The following ELSPBP1 variants were observed in gnomAD, a reference collection of about 807,000 sequenced individuals.
ELSPBP1 encodes epididymal sperm-binding protein 1.
ELSPBP1 carries 38 observed loss-of-function variants against 33.3 expected under a neutral mutation model. The ratio of observed to expected loss-of-function variants is 1.14; its 90% CI spans 0.88 to 1.50. ELSPBP1 has a LOEUF of 1.50. ELSPBP1 is among the 40% of genes most tolerant of loss of function. The pLI is 0.00. For missense variants in ELSPBP1, 267 were observed against 263.5 expected, an observed-to-expected ratio of 1.01 and a Z score of -0.09; for synonymous variants, 85 against 94.1, an observed-to-expected ratio of 0.90 and a Z score of 0.56.
chr19:48,014,132 G>C lies in ELSPBP1; in HGVS notation c.71-39G>C, dbSNP rs371933085. 9.9e-5 allele frequency: 159 copies of C among 1,602,716 alleles called. 3 individuals carry two copies. The South Asian group carries it at 1.5e-3, about 15-fold the overall frequency. On this transcript the variant is annotated intron_variant, in intron 2 of 6. Coordinates refer to ENST00000339841, the MANE Select transcript of ELSPBP1 (RefSeq NM_022142.5). Reference sequence around the variant, plus strand: ...GACTCATCCTTTGCTAATTCATCGTGATTCTTCCCCACTCCTGTTTTCTCC... The same window carrying C: ...GACTCATCCTTTGCTAATTCATCGTCATTCTTCCCCACTCCTGTTTTCTCC...
intron 1 of ELSPBP1, among the ~76,000 whole-genome samples, chr19:47,996,027 G>C (rs1966909106): frequency 6.6e-6 from 1 of 152,236 alleles, no homozygotes; most frequent in Admixed American, 6.5e-5. Flanking sequence ...TTGGGTGGTA[G>C]ATATTGGTGC....
chr19:48,005,471 C>T (rs986448994), intron 1 of ELSPBP1, among the ~76,000 whole-genome samples: 1 of 152,082 alleles, frequency 6.6e-6, no homozygotes, highest in African/African-American at 2.4e-5. Context: ...GGCTACAACT[C>T]AGGTGGTTGA....
chr19:48,022,749 A>T (rs902566542), intron 6 of ELSPBP1, among the ~76,000 whole-genome samples: 1 of 152,070 alleles, frequency 6.6e-6, no homozygotes, highest in African/African-American at 2.4e-5. Flanking sequence ...TGAAAAAACA[A>T]CCCAGAAAAG....
chr19:48,005,627 G>C (rs1358952532), intron 1 of ELSPBP1, among the ~76,000 whole-genome samples: 1 of 152,162 alleles, frequency 6.6e-6, no homozygotes, highest in Non-Finnish European at 1.5e-5. Context: ...ATACAGTTCT[G>C]GCTCTCAGAA....
intron 2 of ELSPBP1, among the ~76,000 whole-genome samples, chr19:48,010,701 A>G (rs887045766): frequency 1.3e-5 from 2 of 149,854 alleles, no homozygotes; most frequent in Non-Finnish European, 3.0e-5. Context: ...GGTGAAGGGC[A>G]GGACCAAAAT....
At chr19:48,003,233 A>T (rs1966984242) in intron 1 of ELSPBP1, among the ~76,000 whole-genome samples, 1 of 152,188 alleles carries the variant, frequency 6.6e-6, no homozygotes, top group South Asian at 2.1e-4. Flanking sequence ...AATATCCATA[A>T]CTTGGTCTGT....
intron 5 of ELSPBP1, among the ~76,000 whole-genome samples, chr19:48,020,143 G>A (rs1319091743): frequency 1.3e-5 from 2 of 151,968 alleles, no homozygotes; most frequent in South Asian, 2.1e-4. Context: ...GTAAACACAC[G>A]CCAGGGTTTT....
At chr19:48,003,627 C>G (rs1039261014) in intron 1 of ELSPBP1, among the ~76,000 whole-genome samples, 25 of 151,040 alleles carry the variant, frequency 1.7e-4, no homozygotes, top group African/African-American at 6.1e-4. Context: ...ACCTCCGCCT[C>G]CTGGGTTCAA....
intron 6 of ELSPBP1, among the ~76,000 whole-genome samples, chr19:48,023,488 GAGGGA>G (rs1568409550): frequency 6.7e-5 from 3 of 44,738 alleles, no homozygotes; most frequent in East Asian, 1.1e-3. Context: ...GGAGGGAAGG[GAGGGA>G]GGGAAGGAAA....
Position 48,015,985 on chromosome 19 carries a change from T to C in ELSPBP1, c.301T>C (p.Ser101Pro). The change falls in exon 4 of 7, where the codon TCA (serine) becomes CCA (proline). Residue 101 changes from serine to proline, a missense_variant. Ser to Pro is a moderately conservative substitution (Grantham distance 74). Coordinates refer to ENST00000339841, the MANE Select transcript of ELSPBP1 (RefSeq NM_022142.5). ...CAGCTTCTTAGGCAGTCTGTGGTGCTCAGTCACCTCTGTCTTCGATGAGAA... is the reference window on the plus strand; with the variant it reads ...CAGCTTCTTAGGCAGTCTGTGGTGCCCAGTCACCTCTGTCTTCGATGAGAA... ...QGSFLGSLWC[S>P]VTSVFDEKQQ... The C allele has an allele frequency of 6.2e-7, 1 of 1,614,018 alleles. No individual in the cohort carries two copies. Among genetic ancestry groups the C allele is most frequent in the East Asian group, 2.2e-5 (1 of 44,880 alleles).
intron 2 of ELSPBP1, among the ~76,000 whole-genome samples, chr19:48,009,996 T>C (rs747363775): frequency 1.4e-4 from 22 of 152,120 alleles, no homozygotes; most frequent in Non-Finnish European, 2.9e-4. Context: ...GGGTTTTTTG[T>C]TTGTTTGTTT....
rs10416556 is a variant in ELSPBP1, at chr19:47,996,448, A to C, written c.-18+1637A>C. Among the ~76,000 whole-genome samples, 716 of 152,244 alleles carry C rather than the reference A, an allele frequency of 4.7e-3. 3 individuals carry two copies. Among genetic ancestry groups the C allele is most frequent in the Admixed American group, 8.0e-3 (123 of 15,286 alleles). ...GATGAATAGAAGGATAAATGAATGGACAGATGAGTGGATAGATAGATGGCT... is the reference window on the plus strand; with the variant it reads ...GATGAATAGAAGGATAAATGAATGGCCAGATGAGTGGATAGATAGATGGCT... On this transcript the variant is annotated intron_variant, in intron 1 of 6. Coordinates refer to ENST00000339841, the MANE Select transcript of ELSPBP1 (RefSeq NM_022142.5).
chr19:48,004,144 A>T (rs1776945488), intron 1 of ELSPBP1, among the ~76,000 whole-genome samples: 1 of 151,650 alleles, frequency 6.6e-6, no homozygotes, highest in African/African-American at 2.4e-5. Flanking sequence ...AGGTTTTACC[A>T]TGTTGACCAG....
At chr19:48,003,539 CTT>C (rs34961390) in intron 1 of ELSPBP1, among the ~76,000 whole-genome samples, 35 of 138,830 alleles carry the variant, frequency 2.5e-4, no homozygotes, top group Admixed American at 2.9e-4. Flanking sequence ...CACCCCTGCT[CTT>C]TTTTTTTTTT....
intron 2 of ELSPBP1, 73 bp from the exon 3 acceptor site, chr19:48,014,098 C>G (rs1967105179): frequency 6.5e-6 from 10 of 1,537,496 alleles, no homozygotes; most frequent in Middle Eastern, 1.7e-4. Flanking sequence ...AAAGCAAGAG[C>G]CAAACCAAGA....
At position 48,008,637 on chromosome 19, in the gene ELSPBP1, C is replaced by T. The variant is rs1967046356; in HGVS notation, c.-17-14C>T. The T allele has an allele frequency of 3.7e-6, 6 of 1,608,074 alleles. No homozygotes were observed. Among genetic ancestry groups the T allele is most frequent in the Non-Finnish European group, 5.1e-6 (6 of 1,176,030 alleles). On this transcript the variant is annotated splice_polypyrimidine_tract_variant and intron_variant, in intron 1 of 6. Transcript: ENST00000339841. ...GGACGTGTGGGATGAAAATTTTTGT[C>T]TTCTTTTCCACAGAGAAGAGGGCAG...
At chr19:47,997,923 C>T (rs1170954016) in intron 1 of ELSPBP1, among the ~76,000 whole-genome samples, 1 of 152,164 alleles carries the variant, frequency 6.6e-6, no homozygotes, top group Non-Finnish European at 1.5e-5. Flanking sequence ...CCCTGGTTCC[C>T]ACTTCCAGAG....
chr19:47,997,241 G>A (rs1457840363), intron 1 of ELSPBP1, among the ~76,000 whole-genome samples: 1 of 152,180 alleles, frequency 6.6e-6, no homozygotes, highest in Non-Finnish European at 1.5e-5. Context: ...CCATTCCTAA[G>A]ACAGCCATCT....
At chr19:48,001,387 T>C (rs373402278) in intron 1 of ELSPBP1, among the ~76,000 whole-genome samples, 3 of 151,592 alleles carry the variant, frequency 2.0e-5, no homozygotes, top group African/African-American at 7.3e-5. Context: ...TTCACCATGT[T>C]GGCCAGCATG....
Sources: allele counts gnomAD v4.1 joint callset (sites outside exome capture counted in the v4.1 genomes callset), GRCh38; gene constraint gnomAD v4.1.1; transcripts MANE v1.5; gene names NCBI Gene and HGNC (gene_info 2026-07-23, HGNC 2026-07-21).